ZNF536: variants seen among roughly 807,000 people sequenced by gnomAD.
ZNF536 encodes the protein zinc finger protein 536.
A neutral mutation model predicts 84.5 loss-of-function variants in ZNF536; 13 were observed. The ratio of observed to expected loss-of-function variants is 0.15; its 90% confidence interval spans 0.10 to 0.24. ZNF536 has a LOEUF of 0.24. ZNF536 is among the 10% of genes least tolerant of loss of function. The pLI is 1.00. For synonymous variants in ZNF536, 811 were observed against 742.5 expected, an observed-to-expected ratio of 1.09 and a Z score of -1.50; for missense variants, 1,536 against 1,747.5, an observed-to-expected ratio of 0.88 and a Z score of 2.16.
intron 1 of ZNF536, among the ~76,000 whole-genome samples, chr19:30,602,588 T>G (rs188950382): frequency 1.3e-5 from 2 of 152,164 alleles, no homozygotes; most frequent in African/African-American, 4.8e-5. Flanking sequence ...AAAGCTCAGG[T>G]CCCATGGCCT....
At chr19:30,327,610 G>A (rs1021124204) in intron 2 of ZNF536, among the ~76,000 whole-genome samples, 1 of 152,238 alleles carries the variant, frequency 6.6e-6, no homozygotes, top group Non-Finnish European at 1.5e-5. Context: ...TTGTTTGGAA[G>A]TTCTGGAAAC....
At chr19:30,241,175 G>T (rs1245077394) in intron 1 of ZNF536, among the ~76,000 whole-genome samples, 1 of 152,068 alleles carries the variant, frequency 6.6e-6, no homozygotes, top group African/African-American at 2.4e-5. Flanking sequence ...AAAATTAGCT[G>T]GGTGTGGTGG....
At chr19:30,675,288 G>A (rs2050713288) in intron 1 of ZNF536, among the ~76,000 whole-genome samples, 1 of 152,164 alleles carries the variant, frequency 6.6e-6, no homozygotes, top group African/African-American at 2.4e-5. Flanking sequence ...TTGCCCTTGA[G>A]TTTGCTGATG....
At chr19:30,521,826 G>T (rs1848780667) in intron 2 of ZNF536, among the ~76,000 whole-genome samples, 1 of 152,110 alleles carries the variant, frequency 6.6e-6, no homozygotes, top group African/African-American at 2.4e-5. Context: ...GAGTGACGTG[G>T]CCTGACTTAT....
At chr19:30,366,586 ATCT>A (rs1568362786) in intron 3 of ZNF536, among the ~76,000 whole-genome samples, 7 of 59,132 alleles carry the variant, frequency 1.2e-4, no homozygotes, top group Non-Finnish European at 4.3e-5. Context: ...TCATTTGTCT[ATCT>A]ATCTATCTAT....
intron 3 of ZNF536, among the ~76,000 whole-genome samples, chr19:30,359,035 C>A (rs1184602942): frequency 6.6e-6 from 1 of 152,180 alleles, no homozygotes. Flanking sequence ...AAAGGGACCG[C>A]CACTACCACC....
intron 1 of ZNF536, among the ~76,000 whole-genome samples, chr19:30,677,604 C>T (rs542180471): frequency 1.3e-5 from 2 of 152,228 alleles, no homozygotes; most frequent in African/African-American, 4.8e-5. Flanking sequence ...GGCAGGCTGA[C>T]CTCTTGGGTC....
chr19:30,335,742 G>A (rs969236933), intron 2 of ZNF536, among the ~76,000 whole-genome samples: 9 of 152,072 alleles, frequency 5.9e-5, no homozygotes, highest in Non-Finnish European at 7.4e-5. Context: ...AATCTTCCTC[G>A]CCAGGGCTGC....
At chr19:30,261,898 C>T (rs1358600040) in intron 1 of ZNF536, among the ~76,000 whole-genome samples, 1 of 152,018 alleles carries the variant, frequency 6.6e-6, no homozygotes, top group Admixed American at 6.6e-5. Context: ...GGGGAGGGCT[C>T]CTGCACCCAG....
At chr19:30,318,941 C>T (rs1398316808) in intron 2 of ZNF536, among the ~76,000 whole-genome samples, 1 of 152,158 alleles carries the variant, frequency 6.6e-6, no homozygotes, top group African/African-American at 2.4e-5. Context: ...GTTTTTGTAA[C>T]CCAAATGGCA....
At chr19:30,617,890 C>G (rs1253333957) in intron 1 of ZNF536, among the ~76,000 whole-genome samples, 1 of 152,172 alleles carries the variant, frequency 6.6e-6, no homozygotes, top group African/African-American at 2.4e-5. Context: ...CTGTCTTAAG[C>G]ATGGTTCTGT....
chr19:30,319,468 G>A (rs551777180), intron 2 of ZNF536, among the ~76,000 whole-genome samples: 310 of 152,176 alleles, frequency 2.0e-3, no homozygotes, highest in South Asian at 4.8e-3. Flanking sequence ...TGATTGCTAC[G>A]TACAATTTGC....
chr19:30,499,312 TGTAA>T (rs2054854871), intron 2 of ZNF536, among the ~76,000 whole-genome samples: 1 of 152,210 alleles, frequency 6.6e-6, no homozygotes, highest in Non-Finnish European at 1.5e-5. Flanking sequence ...TATCTATGTG[TGTAA>T]GTATGAATGT....
At chr19:30,439,959 CT>C (rs199638233) in intron 1 of ZNF536, among the ~76,000 whole-genome samples, 1,075 of 96,374 alleles carry the variant, frequency 0.011, 6 homozygotes, top group African/African-American at 0.037. Flanking sequence ...TTCTTTCTTT[CT>C]TTTTTTTTTT....
intron 3 of ZNF536, among the ~76,000 whole-genome samples, chr19:30,543,882 T>C (rs2045438350): frequency 6.6e-6 from 1 of 152,112 alleles, no homozygotes; most frequent in Non-Finnish European, 1.5e-5. Flanking sequence ...GCTGGGGCTC[T>C]AAGGAGGTTC....
intron 1 of ZNF536, among the ~76,000 whole-genome samples, chr19:30,670,967 C>A (rs2050529389): frequency 6.6e-6 from 1 of 152,174 alleles, no homozygotes; most frequent in Non-Finnish European, 1.5e-5. Context: ...TTCTGCCCAT[C>A]CCTAGGGCCC....
chr19:30,461,751 T>A (rs1042554747), intron 2 of ZNF536, among the ~76,000 whole-genome samples: 7 of 152,228 alleles, frequency 4.6e-5, no homozygotes, highest in African/African-American at 7.2e-5. Context: ...CAGTCCCTTC[T>A]GACACTATGA....
chr19:30,699,369 T>C (rs2051797515), intron 1 of ZNF536, among the ~76,000 whole-genome samples: 1 of 152,208 alleles, frequency 6.6e-6, no homozygotes, highest in Admixed American at 6.5e-5. Flanking sequence ...TTCACACAGA[T>C]GTCTTCAATC....
At chr19:30,463,244 A>T (rs916348931) in intron 2 of ZNF536, among the ~76,000 whole-genome samples, 1 of 152,032 alleles carries the variant, frequency 6.6e-6, no homozygotes, top group Non-Finnish European at 1.5e-5. Context: ...CTTAGAGGAG[A>T]GGTATCTGGG....
Sources: gnomAD v4.1 joint callset for allele counts (sites outside exome capture counted in the v4.1 genomes callset) on GRCh38, gnomAD v4.1.1 for gene constraint, MANE v1.5 for transcripts, NCBI Gene and HGNC (gene_info 2026-07-23, HGNC 2026-07-21) for gene names.